The following WSCD2 variants were observed in gnomAD, a reference collection of about 807,000 sequenced individuals.
The protein encoded by WSCD2 is sialate:O-sulfotransferase 2.
Under a neutral mutation model 55.7 loss-of-function variants are expected in WSCD2, and 28 were observed. The ratio of observed to expected loss-of-function variants is 0.50; its 90% CI spans 0.37 to 0.69. The LOEUF (loss-of-function observed/expected upper bound fraction) is 0.69, where lower values mean the gene tolerates loss of function less well. Among genes scored for constraint, WSCD2 ranks in the 30% least tolerant of loss-of-function variants. The pLI, the probability that WSCD2 is intolerant of heterozygous loss-of-function variation, is 0.00. For synonymous variants in WSCD2, 301 were observed against 301.9 expected (o/e 1.00, Z 0.03); for missense variants, 616 against 762.1 (o/e 0.81, Z 2.26).
rs561052483 is a variant in WSCD2 at position 108,233,820 on chromosome 12, G to A, written c.1144+925G>A. On this transcript the variant is annotated intron_variant, in intron 7 of 8. Coordinates refer to ENST00000547525, the MANE Select transcript of WSCD2 (RefSeq NM_014653.4). ...GGCATGAAGCCCTCTCCTGGGCATG[G>A]TGGGAGACATCAGGGAAGCAAGGCC... Among the ~76,000 whole-genome samples the A allele has an allele frequency of 2.6e-5, 4 of 152,366 alleles. No individual in the cohort carries two copies. The South Asian group carries it at 8.3e-4, about 32-fold the overall frequency.
chr12:108,189,401 T>C (rs1204200663), intron 1 of WSCD2: 1 of 152,206 alleles, frequency 6.6e-6, no homozygotes, highest in African/African-American at 2.4e-5. Flanking sequence ...CCAACTCCCA[T>C]CAGTCATATT....
At chr12:108,226,571 T>C (rs1001384724) in intron 5 of WSCD2, among the ~76,000 whole-genome samples, 1 of 152,152 alleles carries the variant, frequency 6.6e-6, no homozygotes, top group Non-Finnish European at 1.5e-5. Context: ...CTACTCTCTA[T>C]GCAGGAAAAA....
chr12:108,230,952 G>T (rs573364853), intron 6 of WSCD2, among the ~76,000 whole-genome samples: 1 of 152,182 alleles, frequency 6.6e-6, no homozygotes. Context: ...ATGGGGTGAA[G>T]GGGAGCTGGT....
At chr12:108,206,533 G>A (rs752400423) in intron 3 of WSCD2, 130 bp downstream of exon 3, 9 of 825,746 alleles carry the variant, frequency 1.1e-5, no homozygotes, top group African/African-American at 8.4e-5. Flanking sequence ...AAAGGTTGAC[G>A]CAAGGGTGTG....
chr12:108,189,438 C>G (rs1393273852), intron 1 of WSCD2: 1 of 152,176 alleles, frequency 6.6e-6, no homozygotes, highest in Non-Finnish European at 1.5e-5. Flanking sequence ...TGTTAATATT[C>G]TAGCATGTCT....
intron 1 of WSCD2, among the ~76,000 whole-genome samples, chr12:108,169,509 G>C (rs1880010833): frequency 6.6e-6 from 1 of 152,120 alleles, no homozygotes; most frequent in South Asian, 2.1e-4. Flanking sequence ...AGTGTGAGCT[G>C]GTAGGAGGCT....
At position 108,232,774 on chromosome 12, in the gene WSCD2, G is replaced by A; in HGVS notation, c.1023G>A (p.Lys341=). 4 of 1,613,904 alleles carry A rather than the reference G, an allele frequency of 2.5e-6. No homozygotes were observed. The highest frequency in any genetic ancestry group is 3.4e-6 in the Non-Finnish European group (4 of 1,180,000). Residue 341 remains lysine, a synonymous_variant, in exon 7 of 9, where the codon AAG becomes AAA. Coordinates refer to ENST00000547525, the MANE Select transcript of WSCD2 (RefSeq NM_014653.4). ...GAAGGTTCCTGCCAGGCAAGTCCAAGCAGCTCATTGCTTTGGCCAGCTTCC... is the reference window on the plus strand; with the variant it reads ...GAAGGTTCCTGCCAGGCAAGTCCAAACAGCTCATTGCTTTGGCCAGCTTCC... ...MDRRFLPGKS[K]QLIALASFPG...
rs920768186 is a variant in WSCD2, at chr12:108,250,076, C to T, written c.*1733C>T. 6.6e-6 allele frequency: 1 copy of T among 152,328 alleles called. No homozygotes were observed. The highest frequency in any genetic ancestry group is 6.5e-5 in the Admixed American group (1 of 15,282). 9.4% of individuals were successfully genotyped at this position (152,328 alleles called of 1,614,324 possible). The stretch of plus-strand genomic sequence containing the variant: ...CACAAGCTTCTGCCTGAAGATTCCT[C>T]AGGTCAACACCATCATTAAATGCGA... On this transcript the variant is annotated 3_prime_UTR_variant, in exon 9 of 9. Transcript: ENST00000547525.
chr12:108,175,644 G>T (rs188166585), intron 1 of WSCD2, among the ~76,000 whole-genome samples: 1 of 152,170 alleles, frequency 6.6e-6, no homozygotes, highest in Non-Finnish European at 1.5e-5. Flanking sequence ...GATGAGGGGC[G>T]TGTGGGAACC....
At chr12:108,227,278 G>A in intron 6 of WSCD2, 114 bp downstream of exon 6, 2 of 1,286,300 alleles carry the variant, frequency 1.6e-6, no homozygotes, top group Non-Finnish European at 1.1e-6. Context: ...AACCATGCAA[G>A]CCAGAGGGCA....
At chr12:108,139,415 T>C (rs1876551864) in intron 1 of WSCD2, among the ~76,000 whole-genome samples, 1 of 152,166 alleles carries the variant, frequency 6.6e-6, no homozygotes, top group Non-Finnish European at 1.5e-5. Flanking sequence ...TGCCTGCACC[T>C]AGGAAGAGTT....
chr12:108,233,570 T>C (rs889091842), intron 7 of WSCD2, among the ~76,000 whole-genome samples: 1 of 152,172 alleles, frequency 6.6e-6, no homozygotes, highest in Non-Finnish European at 1.5e-5. Context: ...AGAAACCCTG[T>C]GAGGTAGGAT....
intron 4 of WSCD2, among the ~76,000 whole-genome samples, chr12:108,220,937 GTTGT>G (rs1217943782): frequency 2.0e-5 from 3 of 152,152 alleles, no homozygotes; most frequent in Admixed American, 6.5e-5. Context: ...ATCTCACTCT[GTTGT>G]TTGTCAGCTC....
intron 7 of WSCD2, among the ~76,000 whole-genome samples, chr12:108,236,894 G>T (rs1889318502): frequency 6.6e-6 from 1 of 152,018 alleles, no homozygotes; most frequent in African/African-American, 2.4e-5. Context: ...AGACCTCATT[G>T]TCCTAATGCA....
At chr12:108,164,440 A>T (rs959191079) in intron 1 of WSCD2, among the ~76,000 whole-genome samples, 1 of 151,774 alleles carries the variant, frequency 6.6e-6, no homozygotes, top group Non-Finnish European at 1.5e-5. Flanking sequence ...TGTTATTTTT[A>T]TAAATCCGTG....
chr12:108,202,344 G>A (rs1884803058), intron 2 of WSCD2, among the ~76,000 whole-genome samples: 1 of 152,150 alleles, frequency 6.6e-6, no homozygotes, highest in African/African-American at 2.4e-5. Flanking sequence ...TTTTCCAAAA[G>A]CATTAATAAA....
chr12:108,169,393 G>A (rs1482918123), intron 1 of WSCD2, among the ~76,000 whole-genome samples: 2 of 152,006 alleles, frequency 1.3e-5, no homozygotes, highest in African/African-American at 4.8e-5. Flanking sequence ...TGCCAAAAAG[G>A]TTGGGGACCA....
intron 1 of WSCD2, among the ~76,000 whole-genome samples, chr12:108,145,899 A>G (rs1323379758): frequency 6.6e-6 from 1 of 152,232 alleles, no homozygotes; most frequent in Non-Finnish European, 1.5e-5. Context: ...TTCTTGTTAT[A>G]AAATGCTCAA....
intron 1 of WSCD2, among the ~76,000 whole-genome samples, chr12:108,159,836 G>A (rs193058727): frequency 1.3e-5 from 2 of 152,170 alleles, no homozygotes; most frequent in Admixed American, 6.5e-5. Flanking sequence ...TTTTCTCAGC[G>A]TTGGCTTTTC....
Sources: gnomAD v4.1 joint callset for allele counts (sites outside exome capture counted in the v4.1 genomes callset) on GRCh38, gnomAD v4.1.1 for gene constraint, MANE v1.5 for transcripts, NCBI Gene and HGNC (gene_info 2026-07-23, HGNC 2026-07-21) for gene names.